Variants in FAM107B observed in about 807,000 individuals in gnomAD.
FAM107B encodes the protein family with sequence similarity 107 member B.
A neutral mutation model predicts 31.5 loss-of-function variants in FAM107B; 21 were observed. The observed-to-expected ratio is 0.67, with a 90% confidence interval of 0.47 to 0.96. The LOEUF is 0.96. Among genes scored for constraint, FAM107B ranks in the 40% least tolerant of loss-of-function variants. The pLI is 0.00. For missense variants in FAM107B, 452 were observed against 377.1 expected (o/e 1.20, Z -1.64); for synonymous variants, 157 against 141.5 (o/e 1.11, Z -0.78).
intron 2 of FAM107B, among the ~76,000 whole-genome samples, chr10:14,651,397 G>T (rs1853894465): frequency 6.6e-6 from 1 of 152,122 alleles, no homozygotes; most frequent in Admixed American, 6.5e-5. Context: ...CCTGAGGTCG[G>T]GAGTTCGAGG....
intron 2 of FAM107B, among the ~76,000 whole-genome samples, chr10:14,531,398 T>C (rs940022877): frequency 1.3e-5 from 2 of 151,994 alleles, no homozygotes; most frequent in African/African-American, 4.8e-5. Context: ...TACATGCCTA[T>C]AGTCTCAGCT....
chr10:14,702,132 C>T (rs1855413574), intron 1 of FAM107B, among the ~76,000 whole-genome samples: 1 of 152,234 alleles, frequency 6.6e-6, no homozygotes, highest in Non-Finnish European at 1.5e-5. Flanking sequence ...GAGTGCATTT[C>T]ATGCAATATT....
At chr10:14,556,294 A>T in intron 2 of FAM107B, 13 of 958,012 alleles carry the variant, frequency 1.4e-5, no homozygotes, top group Non-Finnish European at 1.6e-5. Flanking sequence ...TGATATCGGA[A>T]ATTTACAATT....
chr10:14,568,613 A>G (rs6602740), intron 2 of FAM107B, among the ~76,000 whole-genome samples: 104,278 of 134,446 alleles, frequency 0.78, 40,419 homozygotes, highest in Middle Eastern at 0.86. Context: ...GAAGATACTC[A>G]GGTAGGAGGA....
At position 14,521,105 on chromosome 10, in the gene FAM107B, C is replaced by T; in HGVS notation, c.*85G>A. 1 of 1,056,528 alleles carries T rather than the reference C, an allele frequency of 9.5e-7. No individual in the cohort carries two copies. The highest frequency in any genetic ancestry group is 1.4e-6 in the Non-Finnish European group (1 of 707,694). 65.4% of individuals were successfully genotyped at this position (1,056,528 alleles called of 1,614,324 possible). On this transcript the variant is annotated 3_prime_UTR_variant, in exon 5 of 5. Transcript: ENST00000181796. The stretch of plus-strand genomic sequence containing the variant: ...AAAATTCTCTGCTGGCTGAAATATT[C>T]TCCAGGGGCTTTTGCCCTGAGATTG...
intron 1 of FAM107B, among the ~76,000 whole-genome samples, chr10:14,702,598 C>T (rs1855426852): frequency 6.6e-6 from 1 of 152,192 alleles, no homozygotes; most frequent in African/African-American, 2.4e-5. Context: ...GATCCACCCA[C>T]TTTGGCCTCC....
At chr10:14,761,028 A>AG (rs1394437505) in intron 1 of FAM107B, among the ~76,000 whole-genome samples, 8 of 149,182 alleles carry the variant, frequency 5.4e-5, no homozygotes, top group African/African-American at 2.0e-4. Flanking sequence ...AAAAAAAAAA[A>AG]AAAAAAAAGA....
chr10:14,750,361 C>G (rs549290796), intron 1 of FAM107B, among the ~76,000 whole-genome samples: 18 of 152,284 alleles, frequency 1.2e-4, no homozygotes, highest in Non-Finnish European at 2.5e-4. Context: ...CCTGTAATCC[C>G]AGCACTTTGG....
In FAM107B at chr10:14,536,040, T is replaced by C. The variant is rs540001811; in HGVS notation, c.470-5525A>G. ...CCTCGGAAAACTTTCACAACTGGGC[T>C]GATAAAACAAACCCAGACCGTAGCT... On this transcript the variant is annotated intron_variant, in intron 2 of 4. Transcript: ENST00000181796. Among the ~76,000 whole-genome samples the C allele has an allele frequency of 6.6e-5, 10 of 152,372 alleles. No homozygotes were observed. The Middle Eastern group carries it at 0.014, about 207-fold the overall frequency.
chr10:14,705,023 C>CAAAAAAAAAAA (rs57922026), intron 1 of FAM107B, among the ~76,000 whole-genome samples: 2 of 87,926 alleles, frequency 2.3e-5, no homozygotes, highest in African/African-American at 9.5e-5. Flanking sequence ...GACCCTGTCA[C>CAAAAAAAAAAA]AAAAAAAAAA....
At chr10:14,668,755 C>T (rs913574952) in intron 1 of FAM107B, among the ~76,000 whole-genome samples, 35 of 152,276 alleles carry the variant, frequency 2.3e-4, no homozygotes, top group Admixed American at 2.2e-3. Flanking sequence ...TACCTTCTAA[C>T]ATCCCTTGAA....
chr10:14,539,958 C>G (rs553943259), intron 2 of FAM107B, among the ~76,000 whole-genome samples: 1 of 152,308 alleles, frequency 6.6e-6, no homozygotes, highest in Non-Finnish European at 1.5e-5. Flanking sequence ...CTAGGTTCAG[C>G]CAACAGCAGC....
intron 2 of FAM107B, among the ~76,000 whole-genome samples, chr10:14,549,992 G>A (rs183160834): frequency 2.8e-4 from 43 of 152,222 alleles, no homozygotes; most frequent in Admixed American, 1.2e-3. Flanking sequence ...CATAACAACC[G>A]TTTTTCTTAC....
intron 2 of FAM107B, among the ~76,000 whole-genome samples, chr10:14,573,453 G>A (rs1413927705): frequency 1.3e-5 from 2 of 151,930 alleles, no homozygotes; most frequent in Admixed American, 1.3e-4. Context: ...TTGGCTGGGT[G>A]TGGTGGTTCA....
intron 2 of FAM107B, among the ~76,000 whole-genome samples, chr10:14,596,505 A>G (rs1382533003): frequency 1.3e-5 from 2 of 152,230 alleles, no homozygotes; most frequent in Admixed American, 6.5e-5. Flanking sequence ...AGAACTTGAC[A>G]CCATGCCTGG....
chr10:14,696,281 G>A (rs187926286), intron 1 of FAM107B, among the ~76,000 whole-genome samples: 11 of 152,166 alleles, frequency 7.2e-5, no homozygotes, highest in African/African-American at 2.7e-4. Flanking sequence ...TTAATGTGAT[G>A]TATTACATGG....
intron 1 of FAM107B, chr10:14,723,195 C>T (rs1855953417): frequency 1.9e-6 from 1 of 522,214 alleles, no homozygotes; most frequent in South Asian, 1.4e-5. Flanking sequence ...TTGCTCCTAA[C>T]CATTCAGTGG....
rs1318885433 is a variant in FAM107B, at chr10:14,735,568, A to T, written c.411+38685T>A. On this transcript the variant is annotated intron_variant, in intron 1 of 4. Transcript: ENST00000181796. The stretch of plus-strand genomic sequence containing the variant: ...GCATCATTAACAGATAAGCAAGAAC[A>T]TTTAGGACAAAAGATAGCGTGCTTT... Among the ~76,000 whole-genome samples the T allele has an allele frequency of 2.0e-5, 3 of 152,338 alleles. No individual in the cohort carries two copies. In the East Asian group the frequency reaches 5.8e-4, roughly 29 times the overall value.
intron 1 of FAM107B, among the ~76,000 whole-genome samples, chr10:14,768,097 A>G (rs1227606099): frequency 6.6e-6 from 1 of 152,214 alleles, no homozygotes; most frequent in African/African-American, 2.4e-5. Flanking sequence ...TTAACCTAGG[A>G]GGCAAAAGAA....
Sources: allele counts gnomAD v4.1 joint callset (sites outside exome capture counted in the v4.1 genomes callset), GRCh38; gene constraint gnomAD v4.1.1; transcripts MANE v1.5; gene names NCBI Gene and HGNC (gene_info 2026-07-23, HGNC 2026-07-21).